Variants in MGAT4C observed in about 807,000 individuals in gnomAD.
MGAT4C encodes MGAT4 family member C.
Under a neutral mutation model 40.1 loss-of-function variants are expected in MGAT4C, and 19 were observed. That is an observed-to-expected ratio of 0.47 (90% CI 0.33 to 0.70). MGAT4C has a LOEUF of 0.70. Ranked by LOEUF, MGAT4C falls within the 30% of genes least tolerant of loss-of-function variation. The pLI is 0.02. For synonymous variants in MGAT4C, 181 were observed against 187.1 expected (o/e 0.97, Z 0.27); for missense variants, 491 against 563.2 (o/e 0.87, Z 1.30).
At chr12:86,402,496 C>T (rs1592796114) in intron 3 of MGAT4C, among the ~76,000 whole-genome samples, 1 of 152,056 alleles carries the variant, frequency 6.6e-6, no homozygotes, top group Non-Finnish European at 1.5e-5. Context: ...TTCTCAAACA[C>T]ACTATTTATA....
rs953829935 is a variant in MGAT4C at position 86,279,543 on chromosome 12, C to T, written c.-57+54522G>A. Among the ~76,000 whole-genome samples, 3 of 151,856 alleles carry T rather than the reference C, an allele frequency of 2.0e-5. No individual in the cohort carries two copies. The South Asian group carries it at 6.2e-4, about 32-fold the overall frequency. The stretch of plus-strand genomic sequence containing the variant: ...GATTTTATTTATTTGGGTCTCCTCT[C>T]TCTTTTTCTTAGTCTATCAACTTTG... On this transcript the variant is annotated intron_variant, in intron 4 of 7. Transcript: ENST00000548651.
At chr12:86,784,207 C>A (rs1951893481) in intron 1 of MGAT4C, among the ~76,000 whole-genome samples, 1 of 152,028 alleles carries the variant, frequency 6.6e-6, no homozygotes, top group Non-Finnish European at 1.5e-5. Context: ...TTCTTCCACC[C>A]AAAGACTGAC....
At position 86,316,213 on chromosome 12, in the gene MGAT4C, AAC is replaced by A. The variant is rs1302530908; in HGVS notation, c.-57+17850_-57+17851del. Among the ~76,000 whole-genome samples, 5 of 152,220 alleles carry A rather than the reference AAC, an allele frequency of 3.3e-5. No individual in the cohort carries two copies. In the East Asian group the frequency reaches 9.6e-4, roughly 29 times the overall value. On this transcript the variant is annotated intron_variant, in intron 4 of 7. Transcript: ENST00000548651. The stretch of plus-strand genomic sequence containing the variant: ...ATGGCCATCACTAAAATGTCAAAGA[AAC>A]AGCAATGCTGGTGAGGCTGCAGAGG...
intron 3 of MGAT4C, among the ~76,000 whole-genome samples, chr12:86,347,821 T>C (rs1329002007): frequency 6.6e-6 from 1 of 151,864 alleles, no homozygotes; most frequent in Non-Finnish European, 1.5e-5. Flanking sequence ...AGCATTAAAG[T>C]AAAATTGTTA....
At chr12:86,100,589 A>G (rs1874811408) in intron 1 of MGAT4C, among the ~76,000 whole-genome samples, 1 of 151,526 alleles carries the variant, frequency 6.6e-6, no homozygotes, top group Admixed American at 6.6e-5. Context: ...TTTGACATAT[A>G]CGATGGTTTG....
intron 2 of MGAT4C, among the ~76,000 whole-genome samples, chr12:86,642,021 T>C (rs1332045426): frequency 6.6e-6 from 1 of 151,850 alleles, no homozygotes; most frequent in South Asian, 2.1e-4. Flanking sequence ...GAGGACCATA[T>C]CTTATTTTAC....
intron 1 of MGAT4C, among the ~76,000 whole-genome samples, chr12:86,248,907 C>A (rs1592581684): frequency 6.6e-6 from 1 of 152,088 alleles, no homozygotes; most frequent in African/African-American, 2.4e-5. Context: ...CCATGCTGAG[C>A]ACCTCTTTCC....
At chr12:86,401,374 T>TA (rs1189801473) in intron 3 of MGAT4C, among the ~76,000 whole-genome samples, 1 of 151,592 alleles carries the variant, frequency 6.6e-6, no homozygotes, top group Non-Finnish European at 1.5e-5. Context: ...AATGGCAGAG[T>TA]AAAAAGCCAT....
chr12:86,504,065 A>C (rs1447579771), intron 2 of MGAT4C, among the ~76,000 whole-genome samples: 2 of 150,818 alleles, frequency 1.3e-5, no homozygotes, highest in Non-Finnish European at 2.9e-5. Context: ...AACAAACCTA[A>C]GAAAAAATGC....
intron 1 of MGAT4C, among the ~76,000 whole-genome samples, chr12:86,160,494 C>A (rs1260186753): frequency 6.6e-6 from 1 of 151,928 alleles, no homozygotes; most frequent in African/African-American, 2.4e-5. Flanking sequence ...TATGAGCGAG[C>A]ATGTGATCAA....
intron 4 of MGAT4C, among the ~76,000 whole-genome samples, chr12:86,276,901 T>C (rs918142561): frequency 6.6e-6 from 1 of 152,166 alleles, no homozygotes; most frequent in African/African-American, 2.4e-5. Flanking sequence ...AATATGGGAG[T>C]GTACATCTCT....
At chr12:85,985,048 G>T (rs1442989140) in intron 3 of MGAT4C, among the ~76,000 whole-genome samples, 1 of 152,172 alleles carries the variant, frequency 6.6e-6, no homozygotes, top group Non-Finnish European at 1.5e-5. Context: ...CCAAAGTGCT[G>T]GGATTATAGG....
intron 1 of MGAT4C, among the ~76,000 whole-genome samples, chr12:86,216,210 A>T (rs985078917): frequency 6.6e-6 from 1 of 152,182 alleles, no homozygotes; most frequent in African/African-American, 2.4e-5. Context: ...AGTGCGGGGA[A>T]GTTTTAACTT....
At chr12:86,835,935 A>C (rs1953028683) in intron 1 of MGAT4C, among the ~76,000 whole-genome samples, 1 of 151,930 alleles carries the variant, frequency 6.6e-6, no homozygotes, top group African/African-American at 2.4e-5. Context: ...ATGGGAAAAT[A>C]TGTGAGAAAA....
chr12:86,306,433 G>A (rs1953936307), intron 4 of MGAT4C, among the ~76,000 whole-genome samples: 1 of 150,342 alleles, frequency 6.7e-6, no homozygotes, highest in South Asian at 2.1e-4. Context: ...CTAAATGAAG[G>A]AAGTCTTACA....
At chr12:86,476,242 A>C (rs868366356) in intron 2 of MGAT4C, among the ~76,000 whole-genome samples, 2 of 152,168 alleles carry the variant, frequency 1.3e-5, no homozygotes, top group African/African-American at 2.4e-5. Flanking sequence ...CAATTGAACA[A>C]GCAAAATACA....
intron 4 of MGAT4C, among the ~76,000 whole-genome samples, chr12:86,312,026 A>G (rs1221348452): frequency 6.6e-6 from 1 of 152,122 alleles, no homozygotes; most frequent in Non-Finnish European, 1.5e-5. Flanking sequence ...CACCACAGCA[A>G]TTCAAGAAAG....
At chr12:86,154,022 T>G (rs2135778284) in intron 1 of MGAT4C, among the ~76,000 whole-genome samples, 1 of 152,212 alleles carries the variant, frequency 6.6e-6, no homozygotes, top group East Asian at 1.9e-4. Context: ...CAAAAGACGC[T>G]GAAAAGAGAA....
At chr12:86,327,905 G>T (rs528581162) in intron 4 of MGAT4C, among the ~76,000 whole-genome samples, 1 of 152,094 alleles carries the variant, frequency 6.6e-6, no homozygotes, top group African/African-American at 2.4e-5. Flanking sequence ...ACAGCTTAAG[G>T]TTTATTTTTT....
Sources: allele counts gnomAD v4.1 joint callset (sites outside exome capture counted in the v4.1 genomes callset), GRCh38; gene constraint gnomAD v4.1.1; transcripts MANE v1.5; gene names NCBI Gene and HGNC (gene_info 2026-07-23, HGNC 2026-07-21).